The following TMEM167A variants were observed in gnomAD, a reference collection of about 807,000 sequenced individuals.
TMEM167A encodes protein kish-A.
A neutral mutation model predicts 11.6 loss-of-function variants in TMEM167A; 8 were observed. The ratio of observed to expected loss-of-function variants is 0.69; its 90% confidence interval spans 0.40 to 1.24. The LOEUF (loss-of-function observed/expected upper bound fraction) is 1.24, where lower values mean the gene tolerates loss of function less well. Ranked by LOEUF, TMEM167A falls within the 50% of genes most tolerant of loss-of-function variation. The pLI is 0.01. For missense variants in TMEM167A, 62 were observed against 87.0 expected, an observed-to-expected ratio of 0.71 and a Z score of 1.14; for synonymous variants, 22 against 28.0, an observed-to-expected ratio of 0.79 and a Z score of 0.67.
At chr5:83,075,797 C>T (rs1035984802) in intron 1 of TMEM167A, among the ~76,000 whole-genome samples, 25 of 151,924 alleles carry the variant, frequency 1.6e-4, no homozygotes, top group African/African-American at 6.0e-4. Context: ...TAAGTCATTA[C>T]CATTGGGTTA....
At chr5:83,071,810 C>T (rs2112248626) in intron 1 of TMEM167A, among the ~76,000 whole-genome samples, 1 of 152,168 alleles carries the variant, frequency 6.6e-6, no homozygotes, top group African/African-American at 2.4e-5. Context: ...GAACCCATCA[C>T]CCATCTCTTC....
In TMEM167A at chr5:83,064,372, CA is replaced by C. The variant is rs767820988; in HGVS notation, c.113+635del. On this transcript the variant is annotated intron_variant, in intron 2 of 3. Transcript: ENST00000502346. ...TTTTGAAGAAGAATTTTCGTGATAG[CA>C]TAGGGAAAGTATTCTACTACTATGT... 5.6e-5 allele frequency: 29 copies of C among 517,268 alleles called. No homozygotes were observed. In the Middle Eastern group the frequency reaches 1.6e-3, roughly 28 times the overall value. The allele number at this position is 517,268 out of a possible 1,614,324, so 32.0% of individuals were successfully genotyped here.
Position 83,053,223 on chromosome 5 carries a change from G to A in TMEM167A, c.*3861C>T, listed in dbSNP as rs1276060122. The A allele has an allele frequency of 2.6e-5, 4 of 151,938 alleles. 1 individual carries two copies. The highest frequency in any genetic ancestry group is 4.2e-4 in the South Asian group (2 of 4,812). 9.4% of individuals were successfully genotyped at this position (151,938 alleles called of 1,614,324 possible). ...TCCATTCTTGTTATAAGCTTCCTAT[G>A]ATCCAGTAACTTCTCAAAGGCTTTG... On this transcript the variant is annotated 3_prime_UTR_variant, in exon 4 of 4. Transcript: ENST00000502346.
At chr5:83,068,980 T>C (rs1447248007) in intron 1 of TMEM167A, among the ~76,000 whole-genome samples, 1 of 152,206 alleles carries the variant, frequency 6.6e-6, no homozygotes, top group African/African-American at 2.4e-5. Flanking sequence ...TTCTACCTCT[T>C]TATGTTTGAA....
At chr5:83,064,005 T>C (rs539487790) in intron 2 of TMEM167A, among the ~76,000 whole-genome samples, 35 of 152,142 alleles carry the variant, frequency 2.3e-4, no homozygotes, top group African/African-American at 8.2e-4. Context: ...ACGAGTCTCA[T>C]AAAAACATGT....
intron 3 of TMEM167A, 64 bp from the exon 4 acceptor site, chr5:83,057,218 T>C: frequency 2.1e-6 from 3 of 1,427,372 alleles, no homozygotes; most frequent in Non-Finnish European, 2.9e-6. Context: ...ATGACAAGGT[T>C]ATACTACCAT....
intron 1 of TMEM167A, among the ~76,000 whole-genome samples, chr5:83,072,654 G>A (rs1388327160): frequency 2.6e-5 from 4 of 152,046 alleles, no homozygotes; most frequent in South Asian, 4.1e-4. Flanking sequence ...TCAGCCTCCC[G>A]AGCAGCTGGG....
chr5:83,068,859 C>G (rs1284442460), intron 1 of TMEM167A, among the ~76,000 whole-genome samples: 1 of 152,062 alleles, frequency 6.6e-6, no homozygotes, highest in African/African-American at 2.4e-5. Context: ...AGAAAACATG[C>G]TTAAATGATA....
At chr5:83,070,684 T>TA (rs1227538691) in intron 1 of TMEM167A, among the ~76,000 whole-genome samples, 1 of 152,126 alleles carries the variant, frequency 6.6e-6, no homozygotes, top group East Asian at 1.9e-4. Flanking sequence ...GACAAACCTC[T>TA]AAAAAATGTT....
At chr5:83,061,779 C>T in intron 3 of TMEM167A, 98 bp downstream of exon 3, 2 of 1,170,024 alleles carry the variant, frequency 1.7e-6, no homozygotes, top group East Asian at 2.4e-5. Flanking sequence ...GGGAAGCCTG[C>T]CCTTTAAAAA....
rs1744333620 is a variant in TMEM167A at position 83,056,481 on chromosome 5, C to T, written c.*603G>A. 6.6e-6 allele frequency: 1 copy of T among 152,230 alleles called. No individual in the cohort carries two copies. Among genetic ancestry groups the T allele is most frequent in the Non-Finnish European group, 1.5e-5 (1 of 68,142 alleles). 9.4% of individuals were successfully genotyped at this position (152,230 alleles called of 1,614,324 possible). ...GTTAACTATCAACATTTTCCCAATA[C>T]TATTTTTAAGTTACATCTCATTTAC... On this transcript the variant is annotated 3_prime_UTR_variant, in exon 4 of 4. Transcript: ENST00000502346.
chr5:83,057,732 A>C (rs1324364012), intron 3 of TMEM167A, among the ~76,000 whole-genome samples: 2 of 152,090 alleles, frequency 1.3e-5, no homozygotes, highest in Non-Finnish European at 1.5e-5. Context: ...TAGTATGCTT[A>C]CTCTGGGTTA....
At chr5:83,067,027 T>C (rs1476427564) in intron 1 of TMEM167A, among the ~76,000 whole-genome samples, 1 of 152,198 alleles carries the variant, frequency 6.6e-6, no homozygotes, top group Non-Finnish European at 1.5e-5. Context: ...GTGACCCTTT[T>C]TTCTTAACCA....
At chr5:83,063,117 C>T (rs1330334560) in intron 2 of TMEM167A, among the ~76,000 whole-genome samples, 3 of 151,932 alleles carry the variant, frequency 2.0e-5, no homozygotes, top group Admixed American at 2.0e-4. Context: ...TTCTGACAGG[C>T]TAAACAATTT....
chr5:83,058,587 C>T (rs939342599), intron 3 of TMEM167A, among the ~76,000 whole-genome samples: 1 of 152,012 alleles, frequency 6.6e-6, no homozygotes, highest in Non-Finnish European at 1.5e-5. Flanking sequence ...AGAAAGACTT[C>T]GTAAGCAAGC....
At chr5:83,072,611 C>G (rs925595785) in intron 1 of TMEM167A, among the ~76,000 whole-genome samples, 3 of 152,098 alleles carry the variant, frequency 2.0e-5, no homozygotes, top group Non-Finnish European at 4.4e-5. Flanking sequence ...TCATTGCAAC[C>G]TCCACCCCTT....
At chr5:83,069,180 A>G (rs1230919286) in intron 1 of TMEM167A, among the ~76,000 whole-genome samples, 5 of 152,170 alleles carry the variant, frequency 3.3e-5, no homozygotes, top group Non-Finnish European at 5.9e-5. Context: ...CTTAGGTGGT[A>G]AGTCTTTTAG....
chr5:83,061,242 T>C (rs1471287800), intron 3 of TMEM167A, among the ~76,000 whole-genome samples: 1 of 152,182 alleles, frequency 6.6e-6, no homozygotes, highest in Non-Finnish European at 1.5e-5. Context: ...GTTATCAAAA[T>C]GGTATACATT....
intron 1 of TMEM167A, among the ~76,000 whole-genome samples, chr5:83,076,431 G>T (rs901015786): frequency 6.6e-6 from 1 of 152,232 alleles, no homozygotes; most frequent in African/African-American, 2.4e-5. Context: ...ACGAGTAGAA[G>T]AATTCAACTT....
Sources: allele counts gnomAD v4.1 joint callset (sites outside exome capture counted in the v4.1 genomes callset), GRCh38; gene constraint gnomAD v4.1.1; transcripts MANE v1.5; gene names NCBI Gene and HGNC (gene_info 2026-07-23, HGNC 2026-07-21).